The following CDK14 variants were observed in gnomAD, a reference collection of about 807,000 sequenced individuals.
CDK14 encodes cyclin dependent kinase 14.
Under a neutral mutation model 60.7 loss-of-function variants are expected in CDK14, and 34 were observed. That is an observed-to-expected ratio of 0.56 (90% confidence interval 0.43 to 0.75). The LOEUF is 0.75. Ranked by LOEUF, CDK14 falls within the 30% of genes least tolerant of loss-of-function variation. The pLI is 0.00. For synonymous variants in CDK14, 197 were observed against 203.7 expected (o/e 0.97, Z 0.28); for missense variants, 482 against 564.1 (o/e 0.85, Z 1.47).
rs138071112 is a variant in CDK14 at position 90,867,545 on chromosome 7, A to T, written c.639+4276A>T. On this transcript the variant is annotated intron_variant, in intron 6 of 14. Coordinates refer to ENST00000380050, the MANE Select transcript of CDK14 (RefSeq NM_001287135.2). ...TACATAAGAGCAAAGCATGTGTAGC[A>T]GCATTTTTCATTACATATTTAATAA... Among the ~76,000 whole-genome samples the T allele has an allele frequency of 1.5e-4, 23 of 152,322 alleles. No homozygotes were observed. In the East Asian group the frequency reaches 4.4e-3, roughly 29 times the overall value.
At chr7:91,173,745 C>A (rs112483494) in intron 14 of CDK14, among the ~76,000 whole-genome samples, 1 of 152,168 alleles carries the variant, frequency 6.6e-6, no homozygotes, top group Non-Finnish European at 1.5e-5. Flanking sequence ...CGCGCTTTTC[C>A]GATGGGCTTA....
At chr7:90,891,813 A>G (rs534171021) in intron 6 of CDK14, among the ~76,000 whole-genome samples, 1 of 152,368 alleles carries the variant, frequency 6.6e-6, no homozygotes, top group Non-Finnish European at 1.5e-5. Flanking sequence ...AGGAGAATGG[A>G]AACAAATACA....
intron 2 of CDK14, among the ~76,000 whole-genome samples, chr7:90,607,636 C>A (rs1026333179): frequency 9.9e-5 from 15 of 152,180 alleles, no homozygotes; most frequent in African/African-American, 3.4e-4. Flanking sequence ...TGTGAGCACA[C>A]GTGTGTGTTT....
Position 91,072,767 on chromosome 7 carries a change from C to T in CDK14, c.1106-6665C>T, listed in dbSNP as rs551465428. ...AACTCAATGCAAAGAAGCTAAGAAC[C>T]TTGATAAAAACCTTACAGGAGCTTC... On this transcript the variant is annotated intron_variant, in intron 11 of 14. Transcript: ENST00000380050. 3.9e-5 allele frequency among the ~76,000 whole-genome samples: 6 copies of T among 152,122 alleles called. No individual in the cohort carries two copies. The East Asian group carries it at 9.7e-4, about 25-fold the overall frequency.
At chr7:91,149,945 G>T (rs775574147) in intron 14 of CDK14, among the ~76,000 whole-genome samples, 1 of 152,168 alleles carries the variant, frequency 6.6e-6, no homozygotes, top group African/African-American at 2.4e-5. Flanking sequence ...GGCTAACAAG[G>T]CACCATAGTT....
chr7:90,794,094 G>T (rs1244928735), intron 5 of CDK14, among the ~76,000 whole-genome samples: 3 of 152,056 alleles, frequency 2.0e-5, no homozygotes, highest in Non-Finnish European at 4.4e-5. Context: ...CATGTTGGCA[G>T]GTTCCATGAT....
At chr7:90,772,093 G>C (rs1305889159) in intron 4 of CDK14, among the ~76,000 whole-genome samples, 1 of 152,176 alleles carries the variant, frequency 6.6e-6, no homozygotes, top group Non-Finnish European at 1.5e-5. Context: ...TATAGTCTCT[G>C]TACCTGGGTT....
intron 10 of CDK14, among the ~76,000 whole-genome samples, chr7:91,032,156 C>T (rs1796780071): frequency 6.6e-6 from 1 of 152,130 alleles, no homozygotes; most frequent in African/African-American, 2.4e-5. Flanking sequence ...TTATTATGTC[C>T]TATTTCGTTG....
intron 6 of CDK14, among the ~76,000 whole-genome samples, chr7:90,869,785 G>C (rs1405245708): frequency 6.6e-6 from 1 of 152,212 alleles, no homozygotes; most frequent in Non-Finnish European, 1.5e-5. Flanking sequence ...AGACTGGATA[G>C]CCAGACCAGA....
chr7:90,736,350 GTTT>G (rs869290471), intron 3 of CDK14, among the ~76,000 whole-genome samples: 2 of 50,278 alleles, frequency 4.0e-5, no homozygotes, highest in African/African-American at 8.8e-5. Context: ...TTATGTTTTT[GTTT>G]TTTTTTTTTT....
chr7:91,161,617 T>G (rs948793590), intron 14 of CDK14, among the ~76,000 whole-genome samples: 1 of 152,244 alleles, frequency 6.6e-6, no homozygotes, highest in African/African-American at 2.4e-5. Flanking sequence ...ATCAATCTCT[T>G]CATTATTTTA....
intron 13 of CDK14, among the ~76,000 whole-genome samples, chr7:91,117,390 TG>T (rs755883506): frequency 5.5e-4 from 83 of 152,052 alleles, no homozygotes; most frequent in Non-Finnish European, 9.1e-4. Flanking sequence ...CTGGTTTGCC[TG>T]CTTCTCTTCT....
At chr7:90,880,435 C>T (rs1791708351) in intron 6 of CDK14, among the ~76,000 whole-genome samples, 1 of 152,150 alleles carries the variant, frequency 6.6e-6, no homozygotes, top group Non-Finnish European at 1.5e-5. Flanking sequence ...ATTCGGATCT[C>T]CCTGGACCTG....
At chr7:90,772,205 G>A (rs1804811546) in intron 4 of CDK14, among the ~76,000 whole-genome samples, 1 of 152,172 alleles carries the variant, frequency 6.6e-6, no homozygotes, top group Non-Finnish European at 1.5e-5. Context: ...ATTCCAGCCA[G>A]GTAGGTTCTG....
intron 6 of CDK14, among the ~76,000 whole-genome samples, chr7:90,880,474 C>T (rs1489276089): frequency 6.6e-6 from 1 of 152,156 alleles, no homozygotes; most frequent in Non-Finnish European, 1.5e-5. Context: ...TGGCCGCAGT[C>T]TCTGCGGACC....
intron 5 of CDK14, among the ~76,000 whole-genome samples, chr7:90,817,019 C>T (rs1584005524): frequency 6.6e-6 from 1 of 152,106 alleles, no homozygotes; most frequent in African/African-American, 2.4e-5. Flanking sequence ...ACAGCTCTCA[C>T]CACAGATTAT....
At chr7:90,637,702 G>C (rs1010305792) in intron 2 of CDK14, among the ~76,000 whole-genome samples, 1 of 146,364 alleles carries the variant, frequency 6.8e-6, no homozygotes. Context: ...TTAACTTTCT[G>C]TCTCGTTGAT....
At chr7:90,871,045 C>G (rs1223351821) in intron 6 of CDK14, among the ~76,000 whole-genome samples, 1 of 152,090 alleles carries the variant, frequency 6.6e-6, no homozygotes, top group Non-Finnish European at 1.5e-5. Flanking sequence ...TTGACATCAT[C>G]ATGGAGAAAA....
intron 5 of CDK14, among the ~76,000 whole-genome samples, chr7:90,851,753 TTGTCATTTTC>T (rs1327987779): frequency 6.7e-6 from 1 of 149,752 alleles, no homozygotes; most frequent in Non-Finnish European, 1.5e-5. Context: ...TTCTTCCCCT[TTGTCATTTTC>T]TTGAATACCT....
Sources: gnomAD v4.1 joint callset for allele counts (sites outside exome capture counted in the v4.1 genomes callset) on GRCh38, gnomAD v4.1.1 for gene constraint, MANE v1.5 for transcripts, NCBI Gene and HGNC (gene_info 2026-07-23, HGNC 2026-07-21) for gene names.